SLC10A7: variants seen among roughly 807,000 people sequenced by gnomAD.
SLC10A7 encodes the protein sodium/bile acid cotransporter 7.
A neutral mutation model predicts 43.2 loss-of-function variants in SLC10A7; 29 were observed. The observed-to-expected ratio is 0.67, with a 90% CI of 0.50 to 0.92. SLC10A7 has a LOEUF of 0.92. Among genes scored for constraint, SLC10A7 ranks in the 40% least tolerant of loss-of-function variants. The probability of loss-of-function intolerance (pLI) is 0.00; values close to 1 mark genes in which losing one functional copy is unlikely to be tolerated. For missense variants in SLC10A7, 295 were observed against 403.2 expected (o/e 0.73, Z 2.30); for synonymous variants, 152 against 144.8 (o/e 1.05, Z -0.35).
intron 9 of SLC10A7, among the ~76,000 whole-genome samples, chr4:146,289,904 T>C (rs1730299469): frequency 6.7e-6 from 1 of 150,012 alleles, no homozygotes; most frequent in Non-Finnish European, 1.5e-5. Flanking sequence ...TTAGTAGAGA[T>C]GGGATTTCGC....
At chr4:146,393,793 T>C (rs1265251593) in intron 5 of SLC10A7, among the ~76,000 whole-genome samples, 1 of 152,110 alleles carries the variant, frequency 6.6e-6, no homozygotes, top group Non-Finnish European at 1.5e-5. Flanking sequence ...ATAGTAAATA[T>C]AATCTGAATA....
intron 4 of SLC10A7, among the ~76,000 whole-genome samples, chr4:146,449,922 G>A (rs1731438689): frequency 6.6e-6 from 1 of 152,012 alleles, no homozygotes; most frequent in African/African-American, 2.4e-5. Flanking sequence ...GACTATTTTT[G>A]TAATCAAAAG....
chr4:146,507,636 C>T (rs943412416), intron 3 of SLC10A7, among the ~76,000 whole-genome samples: 1 of 152,148 alleles, frequency 6.6e-6, no homozygotes, highest in Non-Finnish European at 1.5e-5. Flanking sequence ...TGACTACTGC[C>T]ACCATCATCC....
intron 4 of SLC10A7, among the ~76,000 whole-genome samples, chr4:146,470,774 C>A (rs1733500712): frequency 6.6e-6 from 1 of 152,180 alleles, no homozygotes; most frequent in Admixed American, 6.5e-5. Context: ...TCTGCATTTG[C>A]TGACTCTGAA....
intron 7 of SLC10A7, among the ~76,000 whole-genome samples, chr4:146,302,469 A>C (rs2111237051): frequency 6.6e-6 from 1 of 152,372 alleles, no homozygotes; most frequent in African/African-American, 2.4e-5. Context: ...TAAATTGTTA[A>C]CAAGCAAACT....
intron 2 of SLC10A7, among the ~76,000 whole-genome samples, chr4:146,510,658 T>A (rs1347994941): frequency 6.6e-6 from 1 of 152,202 alleles, no homozygotes; most frequent in East Asian, 1.9e-4. Context: ...AAGCTAACTA[T>A]ACTTCATACT....
Position 146,369,184 on chromosome 4 carries a change from G to A in SLC10A7, c.436-43188C>T, listed in dbSNP as rs139148781. Among the ~76,000 whole-genome samples the A allele has an allele frequency of 3.1e-3, 471 of 152,188 alleles. 2 individuals are homozygous for A. The Middle Eastern group carries it at 0.048, about 15-fold the overall frequency. The stretch of plus-strand genomic sequence containing the variant: ...TGGACCCTGGAGCCAGACACCCTGG[G>A]TTCAAATCTTGCTCTACCACTTAAC... On this transcript the variant is annotated intron_variant, in intron 5 of 11. Transcript: ENST00000335472.
chr4:146,408,369 G>A (rs780738639), intron 5 of SLC10A7, among the ~76,000 whole-genome samples: 6 of 152,046 alleles, frequency 3.9e-5, no homozygotes, highest in Admixed American at 6.6e-5. Flanking sequence ...GGGCAACATG[G>A]TGAAACTCTG....
chr4:146,272,675 C>T lies in SLC10A7; in HGVS notation c.847+10517G>A, dbSNP rs758798830. Among the ~76,000 whole-genome samples the T allele has an allele frequency of 2.6e-5, 4 of 152,176 alleles. 1 individual carries two copies. Among genetic ancestry groups the T allele is most frequent in the Non-Finnish European group, 4.4e-5 (3 of 68,016 alleles). On this transcript the variant is annotated intron_variant, in intron 10 of 11. Transcript: ENST00000335472. ...AAGGACAATTGTTTTTTATCGATCT[C>T]TGTTTGCAAGTTGAAATTGAGAGAT...
chr4:146,407,363 T>C (rs1376318023), intron 5 of SLC10A7, among the ~76,000 whole-genome samples: 1 of 152,252 alleles, frequency 6.6e-6, no homozygotes, highest in East Asian at 1.9e-4. Flanking sequence ...TGTTTCCTTG[T>C]ATCCCATTGT....
At chr4:146,371,855 T>C (rs1258825532) in intron 5 of SLC10A7, among the ~76,000 whole-genome samples, 1 of 152,158 alleles carries the variant, frequency 6.6e-6, no homozygotes, top group Non-Finnish European at 1.5e-5. Flanking sequence ...CCTATTATTA[T>C]TATTAGAGAA....
chr4:146,509,529 A>G (rs1033127938), intron 3 of SLC10A7, among the ~76,000 whole-genome samples: 1 of 152,224 alleles, frequency 6.6e-6, no homozygotes, highest in Non-Finnish European at 1.5e-5. Flanking sequence ...TCCCACATAT[A>G]TGTATGTTTT....
At chr4:146,370,082 G>T (rs998486764) in intron 5 of SLC10A7, among the ~76,000 whole-genome samples, 1 of 151,996 alleles carries the variant, frequency 6.6e-6, no homozygotes, top group African/African-American at 2.4e-5. Flanking sequence ...AAGTCAGAGG[G>T]CATGATAGAG....
chr4:146,341,374 C>T (rs574478644), intron 5 of SLC10A7, among the ~76,000 whole-genome samples: 23 of 151,696 alleles, frequency 1.5e-4, no homozygotes, highest in South Asian at 8.3e-4. Context: ...ACCAAACCCC[C>T]CCAAAACCAA....
intron 2 of SLC10A7, among the ~76,000 whole-genome samples, chr4:146,512,656 T>C (rs570764088): frequency 6.6e-6 from 1 of 152,322 alleles, no homozygotes; most frequent in East Asian, 1.9e-4. Context: ...CATTCCTTCA[T>C]TTAAGTAATA....
chr4:146,486,849 G>A (rs1346332537), intron 4 of SLC10A7, among the ~76,000 whole-genome samples: 3 of 152,190 alleles, frequency 2.0e-5, no homozygotes, highest in Non-Finnish European at 4.4e-5. Context: ...GGACACACAG[G>A]CTTGGCCTGT....
intron 5 of SLC10A7, among the ~76,000 whole-genome samples, chr4:146,400,112 A>G (rs1425742417): frequency 6.6e-6 from 1 of 152,200 alleles, no homozygotes; most frequent in Admixed American, 6.5e-5. Flanking sequence ...CAAAAACCCC[A>G]GGAGAAAGAG....
At position 146,447,530 on chromosome 4, in the gene SLC10A7, G is replaced by A. The variant is rs533704174; in HGVS notation, c.397-4709C>T. On this transcript the variant is annotated intron_variant, in intron 4 of 11. Transcript: ENST00000335472. ...ATTTGTCTAATTCATTGAAAGAAAC[G>A]AGTGAATGAACAAATACCTCTTGTG... Among the ~76,000 whole-genome samples the A allele has an allele frequency of 8.5e-5, 13 of 152,188 alleles. No homozygotes were observed. The South Asian group carries it at 1.5e-3, about 17-fold the overall frequency.
At chr4:146,355,378 G>A (rs1735500632) in intron 5 of SLC10A7, among the ~76,000 whole-genome samples, 1 of 152,158 alleles carries the variant, frequency 6.6e-6, no homozygotes, top group South Asian at 2.1e-4. Flanking sequence ...TCATTAAAAA[G>A]TCAGGAAACA....
Sources: gnomAD v4.1 joint callset for allele counts (sites outside exome capture counted in the v4.1 genomes callset) on GRCh38, gnomAD v4.1.1 for gene constraint, MANE v1.5 for transcripts, NCBI Gene and HGNC (gene_info 2026-07-23, HGNC 2026-07-21) for gene names.